Variants in HEPH observed in about 807,000 individuals in gnomAD.
The protein encoded by HEPH is hephaestin.
HEPH carries 69 observed loss-of-function variants against 80.8 expected under a neutral mutation model. That is an observed-to-expected ratio of 0.85 (90% confidence interval 0.70 to 1.04). The LOEUF (loss-of-function observed/expected upper bound fraction) is 1.04. Among genes scored for constraint, HEPH ranks in the 50% least tolerant of loss-of-function variants. The probability of loss-of-function intolerance (pLI) is 0.00; values close to 1 mark genes in which losing one functional copy is unlikely to be tolerated. For synonymous variants in HEPH, 431 were observed against 322.8 expected (o/e 1.34, Z -3.60); for missense variants, 1,115 against 891.3 (o/e 1.25, Z -3.20).
At chrX:66,178,357 A>G (rs1203025079) in intron 4 of HEPH, among the ~76,000 whole-genome samples, 81 of 111,407 alleles carry the variant, frequency 7.3e-4, no homozygotes, top group Non-Finnish European at 1.1e-3. Flanking sequence ...ATGGACATTT[A>G]GGTTGGTTCC....
At chrX:66,267,692 C>T, downstream of HEPH, 1 of 111,476 alleles carries the variant, frequency 9.0e-6, no homozygotes, top group South Asian at 3.8e-4. Context: ...GGAAGTAGGA[C>T]CATATCTTAT....
intron 15 of HEPH, among the ~76,000 whole-genome samples, chrX:66,243,160 G>T (rs1401837076): frequency 8.9e-6 from 1 of 111,933 alleles, no homozygotes; most frequent in African/African-American, 3.2e-5. Flanking sequence ...CCATGAAAAA[G>T]AATGACATAT....
intron 4 of HEPH, among the ~76,000 whole-genome samples, 194 bp from the exon 5 acceptor site, chrX:66,188,165 G>A (rs1489173657): frequency 9.0e-6 from 1 of 111,668 alleles, no homozygotes; most frequent in African/African-American, 3.3e-5. Context: ...TCAAGTCCTA[G>A]GTTCAACTGA....
In HEPH at chrX:66,227,162, A is replaced by T. The variant is rs868356227; in HGVS notation, c.2563+18916A>T. 9.8e-5 allele frequency among the ~76,000 whole-genome samples: 11 copies of T among 112,352 alleles called. No homozygotes were observed. The South Asian group carries it at 1.1e-3, about 11-fold the overall frequency. On this transcript the variant is annotated intron_variant, in intron 15 of 20. Transcript: ENST00000343002. The stretch of plus-strand genomic sequence containing the variant: ...TAAATAAATGTGATACACCACATAA[A>T]TAGAATTAAAAACAAAAATTACATG...
rs1366901758 is a variant in HEPH at position 66,256,280 on chromosome X, G to A, written c.2846G>A (p.Gly949Asp). 1.7e-6 allele frequency: 2 copies of A among 1,211,027 alleles called. No individual in the cohort carries two copies. The highest frequency in any genetic ancestry group is 1.1e-6 in the Non-Finnish European group (1 of 894,926). ...GCAACCCATGGGTCCCAGGATCCAGGCAGTATTAACCTACAGGATGAAACT... is the reference window on the plus strand; with the variant it reads ...GCAACCCATGGGTCCCAGGATCCAGACAGTATTAACCTACAGGATGAAACT... Reference protein sequence around the residue: ...NVATHGSQDPGSINLQDETFL... With the variant: ...NVATHGSQDPDSINLQDETFL... The change falls in exon 17 of 21, where the codon GGC becomes GAC. Residue 949 changes from glycine to aspartate, a missense_variant. Gly to Asp is a moderately conservative substitution (Grantham distance 94, BLOSUM62 -1). Transcript: ENST00000343002.
rs148532965 is a variant in HEPH at position 66,206,924 on chromosome X, G to A, written c.2292-271G>A. 1.2e-3 allele frequency among the ~76,000 whole-genome samples: 137 copies of A among 110,313 alleles called. 1 individual carries two copies. The East Asian group carries it at 0.036, about 29-fold the overall frequency. Reference sequence around the variant, plus strand: ...CCCAGCTACTCTGGAGGCTGAGGCAGGATAATCGCTTGAACTCGGAAGGCG... The same window carrying A: ...CCCAGCTACTCTGGAGGCTGAGGCAAGATAATCGCTTGAACTCGGAAGGCG... On this transcript the variant is annotated intron_variant, in intron 13 of 20. Transcript: ENST00000343002.
intron 15 of HEPH, among the ~76,000 whole-genome samples, chrX:66,212,339 G>T (rs1318479355): frequency 2.7e-5 from 3 of 110,276 alleles, no homozygotes; most frequent in Non-Finnish European, 3.8e-5. Flanking sequence ...TAGCTATTTA[G>T]TTAAATATAG....
Position 66,189,690 on chromosome X carries a change from A to G in HEPH, c.815A>G (p.Asn272Ser). 8.3e-7 allele frequency: 1 copy of G among 1,206,246 alleles called. No individual in the cohort carries two copies. Among genetic ancestry groups the G allele is most frequent in the Non-Finnish European group, 1.1e-6 (1 of 891,461 alleles). ...FQESNRMHAI[N>S]GFVFGNLPEL... ...TTTGGGTTTTCTTTTGCAGCAATCA[A>G]TGGCTTTGTTTTTGGGAATTTACCT... The change falls in exon 6 of 21, where the codon AAT becomes AGT. Residue 272 changes from asparagine (N) to serine (S), a missense_variant. Transcript: ENST00000343002.
intron 1 of HEPH, among the ~76,000 whole-genome samples, chrX:66,167,272 T>C (rs1361851062): frequency 3.6e-5 from 4 of 112,085 alleles, no homozygotes; most frequent in Non-Finnish European, 7.5e-5. Context: ...AAACACATTG[T>C]AATCTGGAAA....
chrX:66,201,183 CTCTT>C (rs1438820320), intron 12 of HEPH, among the ~76,000 whole-genome samples: 5 of 110,614 alleles, frequency 4.5e-5, no homozygotes, highest in African/African-American at 1.3e-4. Context: ...CTCTCCCTCT[CTCTT>C]TCTCTTTCTA....
chrX:66,233,520 G>T (rs983198202), intron 15 of HEPH, among the ~76,000 whole-genome samples: 2 of 111,429 alleles, frequency 1.8e-5, no homozygotes, highest in African/African-American at 6.5e-5. Context: ...TGGGCTTACT[G>T]AGCAGTTTGT....
At chrX:66,268,754 T>G (rs923444148), downstream of HEPH, 1 of 111,890 alleles carries the variant, frequency 8.9e-6, no homozygotes, top group Non-Finnish European at 1.9e-5. Flanking sequence ...GAAAGAAATG[T>G]ATTTTTGTGG....
chrX:66,253,748 A>G, intron 15 of HEPH, among the ~76,000 whole-genome samples: 1 of 112,566 alleles, frequency 8.9e-6, no homozygotes, highest in Non-Finnish European at 1.9e-5. Flanking sequence ...TCAATGGACT[A>G]TTATTTGGCA....
Position 66,266,565 on chromosome X carries a change from C to T in HEPH, c.3370C>T (p.Leu1124=), listed in dbSNP as rs1415114643. The part of the protein sequence containing the change: ...AISVTLLLVV[L]ALGGVVWYQH... ...TAGTGTCACCCTTCTGCTCGTTGTT[C>T]TGGCTCTTGGTGGAGTGGTTTGGTA... is the stretch of plus-strand genomic sequence containing the variant. Residue 1124 remains leucine, a synonymous_variant, in exon 21 of 21, where the codon CTG becomes TTG. Transcript: ENST00000343002. 1.7e-6 allele frequency: 2 copies of T among 1,208,004 alleles called. No homozygotes were observed. The highest frequency in any genetic ancestry group is 1.8e-5 in the African/African-American group (1 of 56,791).
chrX:66,210,339 A>G (rs1205649442), intron 15 of HEPH, among the ~76,000 whole-genome samples: 1 of 112,061 alleles, frequency 8.9e-6, no homozygotes, highest in East Asian at 2.8e-4. Context: ...TTAGAGAGTA[A>G]TCGGGAGATA....
chrX:66,186,473 C>G (rs1306668586), intron 4 of HEPH, among the ~76,000 whole-genome samples: 7 of 112,213 alleles, frequency 6.2e-5, no homozygotes, highest in Non-Finnish European at 9.4e-5. Context: ...TTTCCAGGTG[C>G]GTCCATCACC....
upstream of HEPH, chrX:66,162,869 A>G (rs973127526): frequency 3.5e-6 from 4 of 1,151,727 alleles, no homozygotes; most frequent in Admixed American, 7.9e-5. Context: ...AGATCTCCTC[A>G]TCACAAAGTA....
chrX:66,229,908 A>G (rs997906802), intron 15 of HEPH, among the ~76,000 whole-genome samples: 5 of 96,434 alleles, frequency 5.2e-5, no homozygotes. Context: ...TATATCTCCC[A>G]ATGCTATCCC....
chrX:66,189,277 A>G (rs2087664553), intron 5 of HEPH, among the ~76,000 whole-genome samples: 1 of 112,565 alleles, frequency 8.9e-6, no homozygotes, highest in Non-Finnish European at 1.9e-5. Flanking sequence ...TATAAAAGCC[A>G]TGTTAATTAG....
Sources: allele counts gnomAD v4.1 joint callset (sites outside exome capture counted in the v4.1 genomes callset), GRCh38; gene constraint gnomAD v4.1.1; transcripts MANE v1.5; gene names NCBI Gene and HGNC (gene_info 2026-07-23, HGNC 2026-07-21).